The following SP2 variants were observed in gnomAD, a reference collection of about 807,000 sequenced individuals.
SP2 encodes Sp2 transcription factor.
SP2 carries 9 observed loss-of-function variants against 50.1 expected under a neutral mutation model. That is an observed-to-expected ratio of 0.18 (90% CI 0.11 to 0.31). The LOEUF (loss-of-function observed/expected upper bound fraction) is 0.31, where lower values mean the gene tolerates loss of function less well. Among genes scored for constraint, SP2 ranks in the 10% least tolerant of loss-of-function variants. The pLI is 1.00. For synonymous variants in SP2, 313 were observed against 326.6 expected, an observed-to-expected ratio of 0.96 and a Z score of 0.45; for missense variants, 581 against 806.5, an observed-to-expected ratio of 0.72 and a Z score of 3.39.
In SP2 at chr17:47,916,949, G is replaced by A. The variant is rs1265659082; in HGVS notation, c.878G>A (p.Gly293Asp). ...NLLIVQSPGG[G>D]QPAVVQQVQV... ...CTCATTGTTCAGAGCCCTGGTGGGGGCCAGCCAGCTGTGGTCCAGCAGGTC... is the reference window on the plus strand; with the variant it reads ...CTCATTGTTCAGAGCCCTGGTGGGGACCAGCCAGCTGTGGTCCAGCAGGTC... Residue 293 changes from glycine (G) to aspartate (D), a missense_variant, in exon 3 of 7, where the codon GGC becomes GAC. This residue lies in a region of SP2 where 397 missense variants were observed against 491.0 expected (regional missense o/e 0.81). Coordinates refer to ENST00000376741, the MANE Select transcript of SP2 (RefSeq NM_003110.6). The surrounding 1 kb of genome is among the most constrained non-coding windows in gnomAD (Gnocchi z 4.7). The A allele has an allele frequency of 1.2e-6, 2 of 1,613,968 alleles. No homozygotes were observed. Among genetic ancestry groups the A allele is most frequent in the Non-Finnish European group, 1.7e-6 (2 of 1,180,018 alleles).
intron 4 of SP2, among the ~76,000 whole-genome samples, chr17:47,924,316 T>A (rs1320204390): frequency 9.0e-6 from 1 of 111,708 alleles, no homozygotes; most frequent in African/African-American, 3.4e-5. Flanking sequence ...TTTAGTTTTT[T>A]GTAGAGATGG....
chr17:47,916,894 G>A lies in SP2; in HGVS notation c.823G>A (p.Asp275Asn), dbSNP rs1053089676. 5 of 1,614,098 alleles carry A rather than the reference G, an allele frequency of 3.1e-6. No homozygotes were observed. The highest frequency in any genetic ancestry group is 4.2e-6 in the Non-Finnish European group (5 of 1,180,048). The change falls in exon 3 of 7, where the codon GAC (aspartate) becomes AAC (asparagine). Residue 275 changes from aspartate (D) to asparagine (N), a missense_variant. Asp to Asn is a conservative substitution (Grantham distance 23, BLOSUM62 1). Transcript: ENST00000376741. The surrounding 1 kb of genome is among the most constrained non-coding windows in gnomAD (Gnocchi z 4.7). ...VETVLIETTA[D>N]NIIQAGNNLL... Reference sequence around the variant, plus strand: ...GACGGTGCTGATCGAGACCACCGCGGACAACATCATCCAGGCAGGAAATAA... The same window carrying A: ...GACGGTGCTGATCGAGACCACCGCGAACAACATCATCCAGGCAGGAAATAA...
intron 5 of SP2, 51 bp downstream of exon 5, chr17:47,925,144 C>A: frequency 1.3e-6 from 2 of 1,549,696 alleles, no homozygotes; most frequent in East Asian, 2.3e-5. Context: ...GTTCCCCAAG[C>A]CCCTCCTGGA....
chr17:47,917,900 T>C (rs1358508329), intron 3 of SP2: 2 of 275,662 alleles, frequency 7.3e-6, no homozygotes, highest in African/African-American at 4.6e-5. Context: ...TTTTATTCTT[T>C]GTTCATGCCT....
chr17:47,921,768 C>T (rs575815533), intron 3 of SP2, among the ~76,000 whole-genome samples: 1 of 152,318 alleles, frequency 6.6e-6, no homozygotes, highest in South Asian at 2.1e-4. Flanking sequence ...CTCCAAGGAG[C>T]CTGGGTTCCT....
chr17:47,927,462 G>A lies in SP2; in HGVS notation c.1742-262G>A, dbSNP rs372248633. Among the ~76,000 whole-genome samples, 49 of 150,612 alleles carry A rather than the reference G, an allele frequency of 3.3e-4. 2 individuals are homozygous for A. The East Asian group carries it at 5.1e-3, about 16-fold the overall frequency. On this transcript the variant is annotated intron_variant, in intron 6 of 6. Coordinates refer to ENST00000376741, the MANE Select transcript of SP2 (RefSeq NM_003110.6). ...GCAGGAGAATTGCTTGACCTGGGAG[G>A]TGGAGGTTGCAGTGAGTGGAGATTG...
rs977575508 is a variant in SP2, at chr17:47,907,985, C to T, written c.8-7327C>T. 2.6e-5 allele frequency among the ~76,000 whole-genome samples: 4 copies of T among 152,136 alleles called. No individual in the cohort carries two copies. In the East Asian group the frequency reaches 7.7e-4, roughly 29 times the overall value. ...GTTAATTCTGTAGTGGCAGGGAGAT[C>T]GGTCTCTCTTTTGGTTGCCCAGGTC... On this transcript the variant is annotated intron_variant, in intron 1 of 6. Transcript: ENST00000376741.
chr17:47,928,155 T>G lies in SP2; in HGVS notation c.*331T>G, dbSNP rs2035723227. On this transcript the variant is annotated 3_prime_UTR_variant, in exon 7 of 7. Coordinates refer to ENST00000376741, the MANE Select transcript of SP2 (RefSeq NM_003110.6). ...CATTTCACTCCGTCGAGGAGCAAAG[T>G]GAGCCCCTACCCCCCACCCCGATCC... 9.0e-6 allele frequency: 2 copies of G among 221,756 alleles called. No individual in the cohort carries two copies. Among genetic ancestry groups the G allele is most frequent in the Admixed American group, 1.1e-4 (2 of 18,208 alleles). 13.7% of individuals were successfully genotyped at this position (221,756 alleles called of 1,614,324 possible).
intron 1 of SP2, among the ~76,000 whole-genome samples, chr17:47,906,064 A>G (rs1427039098): frequency 5.9e-5 from 9 of 152,196 alleles, no homozygotes; most frequent in Admixed American, 5.9e-4. Flanking sequence ...GTTAATTAGG[A>G]GAGTAGCTGG....
chr17:47,913,615 T>C (rs1378066333), intron 1 of SP2, among the ~76,000 whole-genome samples: 1 of 152,166 alleles, frequency 6.6e-6, no homozygotes. Flanking sequence ...ACTGTGTTGC[T>C]TAGGCTGGTC....
intron 1 of SP2, among the ~76,000 whole-genome samples, chr17:47,900,709 G>A (rs749972230): frequency 3.0e-4 from 45 of 152,252 alleles, no homozygotes; most frequent in African/African-American, 3.6e-4. Flanking sequence ...CCCAGGAGGC[G>A]GAGATTGCAG....
intron 1 of SP2, 75 bp from the exon 2 acceptor site, chr17:47,915,237 A>G: frequency 1.8e-6 from 2 of 1,095,930 alleles, no homozygotes; most frequent in Non-Finnish European, 2.6e-6. Context: ...ATAGAAAAAA[A>G]GAAAATCTGA....
chr17:47,920,223 C>T (rs574748125), intron 3 of SP2, among the ~76,000 whole-genome samples: 106 of 151,514 alleles, frequency 7.0e-4, no homozygotes, highest in Non-Finnish European at 1.2e-3. Flanking sequence ...TCAAGCGATT[C>T]TCCTGCCTCA....
Position 47,904,058 on chromosome 17 carries a change from C to T in SP2, c.7+7765C>T, listed in dbSNP as rs143611404. Among the ~76,000 whole-genome samples, 615 of 151,034 alleles carry T rather than the reference C, an allele frequency of 4.1e-3. 3 individuals carry two copies. The highest frequency in any genetic ancestry group is 0.014 in the African/African-American group (586 of 41,118). ...CTGGCGGATCACGAGGTCAGGAGAT[C>T]GAGACCATCCTGGCTAACACAGTGA... is the stretch of plus-strand genomic sequence containing the variant. On this transcript the variant is annotated intron_variant, in intron 1 of 6. Coordinates refer to ENST00000376741, the MANE Select transcript of SP2 (RefSeq NM_003110.6).
Position 47,916,637 on chromosome 17 carries a change from C to T in SP2, c.566C>T (p.Thr189Met), listed in dbSNP as rs368448436. 1.3e-5 allele frequency: 21 copies of T among 1,613,910 alleles called. No individual in the cohort carries two copies. Among genetic ancestry groups the T allele is most frequent in the East Asian group, 4.5e-5 (2 of 44,886 alleles). Reference protein sequence around the residue: ...IKPAPIQKSSTTTTPVQSGAN... With the variant: ...IKPAPIQKSSMTTTPVQSGAN... ...CCAGCCCCCATCCAGAAGTCGAGTA[C>T]GACCACCACCCCCGTGCAGAGCGGG... is the stretch of plus-strand genomic sequence containing the variant. Residue 189 changes from threonine to methionine, a missense_variant, in exon 3 of 7, where the codon ACG (threonine) becomes ATG (methionine). Thr to Met is a moderately conservative substitution (Grantham distance 81, BLOSUM62 -1). Transcript: ENST00000376741. This position sits in a 1 kb window ranked among gnomAD's most constrained non-coding sequence, Gnocchi z 4.7.
intron 1 of SP2, among the ~76,000 whole-genome samples, chr17:47,905,212 A>T (rs975828720): frequency 3.3e-5 from 5 of 152,178 alleles, no homozygotes. Flanking sequence ...TTGAGGTCCA[A>T]CTTTGTTCTC....
rs749430104 is a variant in SP2 at position 47,917,036 on chromosome 17, G to A, written c.965G>A (p.Arg322Gln). ...QVVQIPQQAL[R>Q]VVQAASATLP... ...GTACAGATCCCCCAGCAGGCTCTGC[G>A]GGTGGTGCAGGCGGCATCTGCCACC... The change falls in exon 3 of 7, where the codon CGG becomes CAG. Residue 322 changes from arginine to glutamine, a missense_variant. By Grantham distance (43) the Arg-to-Gln change is conservative (BLOSUM62 1). Around this residue, in one of 2 missense-constraint regions of SP2, gnomAD observed 397 missense variants for 491.0 expected, o/e 0.81. Coordinates refer to ENST00000376741, the MANE Select transcript of SP2 (RefSeq NM_003110.6). The A allele has an allele frequency of 1.5e-5, 24 of 1,614,104 alleles. No individual in the cohort carries two copies. Among genetic ancestry groups the A allele is most frequent in the Middle Eastern group, 1.6e-4 (1 of 6,062 alleles).
chr17:47,897,857 T>A, intron 1 of SP2: 1 of 985,368 alleles, frequency 1.0e-6, no homozygotes, highest in Non-Finnish European at 1.2e-6. Context: ...GCTGATGATG[T>A]CAGTGTTCCA....
At chr17:47,931,521 G>A (rs891819524), downstream of SP2, among the ~76,000 whole-genome samples, 2 of 152,096 alleles carry the variant, frequency 1.3e-5, no homozygotes, top group Non-Finnish European at 2.9e-5. Flanking sequence ...AGCCCTGAGC[G>A]GATGGATGAA....
Sources: allele counts gnomAD v4.1 joint callset (sites outside exome capture counted in the v4.1 genomes callset), GRCh38; gene constraint gnomAD v4.1.1; regional missense constraint gnomAD v4.1.1; non-coding constraint Gnocchi (gnomAD v3.1); transcripts MANE v1.5; gene names NCBI Gene and HGNC (gene_info 2026-07-23, HGNC 2026-07-21).